Variants in CHN2 observed in about 807,000 individuals in gnomAD.
CHN2 encodes the protein beta-chimaerin.
CHN2 carries 35 observed loss-of-function variants against 56.3 expected under a neutral mutation model. The ratio of observed to expected loss-of-function variants is 0.62; its 90% CI spans 0.47 to 0.82. The LOEUF is 0.82. Ranked by LOEUF, CHN2 falls within the 40% of genes least tolerant of loss-of-function variation. The pLI, the probability that CHN2 is intolerant of heterozygous loss-of-function variation, is 0.00. For missense variants in CHN2, 491 were observed against 580.5 expected, an observed-to-expected ratio of 0.85 and a Z score of 1.58; for synonymous variants, 210 against 212.8, an observed-to-expected ratio of 0.99 and a Z score of 0.12.
At chr7:29,437,515 A>G (rs369173846) in intron 6 of CHN2, among the ~76,000 whole-genome samples, 6,938 of 131,650 alleles carry the variant, frequency 0.053, 771 homozygotes, top group East Asian at 0.26. Context: ...GGAGAATGGC[A>G]TGAACCTGGG....
At chr7:29,473,483 TGTG>T (rs1462528480) in intron 6 of CHN2, among the ~76,000 whole-genome samples, 3 of 72,000 alleles carry the variant, frequency 4.2e-5, no homozygotes, top group African/African-American at 1.4e-4. Context: ...TTTTTTTTTT[TGTG>T]TGTGTGTGTG....
At chr7:29,500,137 G>T (rs1298022113) in intron 9 of CHN2, 97 bp downstream of exon 9, 2 of 985,818 alleles carry the variant, frequency 2.0e-6, no homozygotes, top group South Asian at 2.3e-5. Context: ...TACTACTCTT[G>T]TTGGGAAAAT....
chr7:29,512,202 A>G (rs1206765911), intron 12 of CHN2, among the ~76,000 whole-genome samples: 1 of 152,022 alleles, frequency 6.6e-6, no homozygotes, highest in Admixed American at 6.6e-5. Context: ...CGCCTTCTGT[A>G]TAAGGCCTAT....
At chr7:29,469,994 C>T (rs1785892558) in intron 6 of CHN2, among the ~76,000 whole-genome samples, 2 of 152,120 alleles carry the variant, frequency 1.3e-5, no homozygotes, top group Admixed American at 1.3e-4. Flanking sequence ...TGCAACATAT[C>T]CAAGAATAAT....
At chr7:29,332,920 C>T (rs979480111) in intron 1 of CHN2, 1 of 151,956 alleles carries the variant, frequency 6.6e-6, no homozygotes, top group Non-Finnish European at 1.5e-5. Flanking sequence ...GACGACGGCT[C>T]GATCTTGGCT....
intron 1 of CHN2, among the ~76,000 whole-genome samples, chr7:29,229,478 A>T (rs923650328): frequency 2.6e-5 from 4 of 152,224 alleles, no homozygotes; most frequent in Non-Finnish European, 5.9e-5. Context: ...TATTCCCAAG[A>T]TCTAGATAGA....
intron 1 of CHN2, among the ~76,000 whole-genome samples, chr7:29,329,271 T>G (rs76718182): frequency 7.0e-6 from 1 of 143,222 alleles, no homozygotes; most frequent in Non-Finnish European, 1.5e-5. Context: ...TACAGTGAAA[T>G]GAAATAGTAG....
intron 1 of CHN2, among the ~76,000 whole-genome samples, chr7:29,294,522 G>C (rs1012306623): frequency 3.9e-5 from 6 of 152,102 alleles, no homozygotes; most frequent in Admixed American, 3.3e-4. Context: ...CCTTGTAACC[G>C]CAAGAAGATA....
At chr7:29,185,174 T>C (rs1160698517) in intron 2 of CHN2, among the ~76,000 whole-genome samples, 2 of 152,214 alleles carry the variant, frequency 1.3e-5, no homozygotes, top group Non-Finnish European at 2.9e-5. Flanking sequence ...GAAAATCCCA[T>C]TTCTAATCTT....
intron 1 of CHN2, among the ~76,000 whole-genome samples, chr7:29,211,336 C>G (rs927080533): frequency 1.3e-5 from 2 of 151,878 alleles, no homozygotes; most frequent in African/African-American, 4.8e-5. Flanking sequence ...CCTCAGCCTC[C>G]CAAAGTGCTG....
intron 2 of CHN2, among the ~76,000 whole-genome samples, chr7:29,186,821 TG>T (rs1798773787): frequency 6.6e-6 from 1 of 151,972 alleles, no homozygotes; most frequent in South Asian, 2.1e-4. Context: ...CAGCCAAAGG[TG>T]GGTTCAAATT....
At chr7:29,240,168 C>T (rs746483301) in intron 1 of CHN2, among the ~76,000 whole-genome samples, 10 of 152,104 alleles carry the variant, frequency 6.6e-5, no homozygotes, top group Non-Finnish European at 1.3e-4. Flanking sequence ...AGGCTGAGGC[C>T]ATGAACCACC....
chr7:29,398,330 T>G, intron 4 of CHN2, 43 bp from the exon 5 acceptor site: 1 of 1,413,784 alleles, frequency 7.1e-7, no homozygotes, highest in African/African-American at 1.4e-5. Context: ...GTCCTTATTC[T>G]GTATGTGGTC....
At chr7:29,254,280 C>T (rs966243187) in intron 1 of CHN2, among the ~76,000 whole-genome samples, 4 of 152,170 alleles carry the variant, frequency 2.6e-5, no homozygotes, top group Non-Finnish European at 5.9e-5. Flanking sequence ...GTCATCTCAG[C>T]ACCTGGTACA....
chr7:29,187,073 T>C (rs979448184), intron 2 of CHN2, among the ~76,000 whole-genome samples: 1 of 152,128 alleles, frequency 6.6e-6, no homozygotes, highest in Non-Finnish European at 1.5e-5. Context: ...TAGGAAATGA[T>C]TACTTAAGGA....
chr7:29,255,545 T>C (rs1011098547), intron 1 of CHN2, among the ~76,000 whole-genome samples: 1 of 152,192 alleles, frequency 6.6e-6, no homozygotes, highest in Non-Finnish European at 1.5e-5. Context: ...GTTTTCTTTT[T>C]CTCTTGTCTT....
chr7:29,511,204 G>GACAT (rs1405411103), intron 12 of CHN2, among the ~76,000 whole-genome samples: 2 of 2,932 alleles, frequency 6.8e-4, no homozygotes, highest in Non-Finnish European at 1.7e-3. Context: ...TACCTTATAA[G>GACAT]ACATACAAGA....
At chr7:29,265,105 T>C (rs373470331) in intron 1 of CHN2, among the ~76,000 whole-genome samples, 124 of 152,252 alleles carry the variant, frequency 8.1e-4, no homozygotes, top group African/African-American at 2.8e-3. Flanking sequence ...TTTGAAGGAA[T>C]AGGGACGGCA....
intron 1 of CHN2, among the ~76,000 whole-genome samples, chr7:29,207,317 C>T (rs1456363202): frequency 1.3e-5 from 2 of 152,142 alleles, no homozygotes; most frequent in Non-Finnish European, 2.9e-5. Flanking sequence ...TGCCCCTTCT[C>T]TTCCCCTTTT....
Sources: allele counts gnomAD v4.1 joint callset (sites outside exome capture counted in the v4.1 genomes callset), GRCh38; gene constraint gnomAD v4.1.1; transcripts MANE v1.5; gene names NCBI Gene and HGNC (gene_info 2026-07-23, HGNC 2026-07-21).